Variants in ZMYM2 observed in about 807,000 individuals in gnomAD.
ZMYM2 encodes zinc finger MYM-type containing 2.
ZMYM2 carries 56 observed loss-of-function variants against 162.8 expected under a neutral mutation model. The ratio of observed to expected loss-of-function variants is 0.34; its 90% CI spans 0.28 to 0.43. The LOEUF (loss-of-function observed/expected upper bound fraction) is 0.43. ZMYM2 is among the 20% of genes least tolerant of loss of function. The pLI, the probability that ZMYM2 is intolerant of heterozygous loss-of-function variation, is 1.00. For missense variants in ZMYM2, 1,275 were observed against 1,621.8 expected (o/e 0.79, Z 3.67); for synonymous variants, 510 against 541.6 (o/e 0.94, Z 0.81).
At chr13:20,034,804 A>G (rs997378857) in intron 11 of ZMYM2, among the ~76,000 whole-genome samples, 7 of 152,218 alleles carry the variant, frequency 4.6e-5, no homozygotes, top group Non-Finnish European at 8.8e-5. Flanking sequence ...AAAATCACAT[A>G]TGGCAGTACT....
At chr13:19,872,540 A>AC in the ZMYM2 span, among the ~76,000 whole-genome samples, 1 of 151,870 alleles carries the variant, frequency 6.6e-6, no homozygotes, top group East Asian at 1.9e-4. Context: ...ACAGAGTGAG[A>AC]CCCCATCTCA....
chr13:19,945,957 A>G, the ZMYM2 span, among the ~76,000 whole-genome samples: 1 of 110,992 alleles, frequency 9.0e-6, no homozygotes, highest in Non-Finnish European at 2.2e-5. Context: ...CTCAGAAAAA[A>G]AAAAAAAAAA....
intron 8 of ZMYM2, 25 bp downstream of exon 8, chr13:20,026,787 TAAAA>T (rs138849093): frequency 2.6e-6 from 4 of 1,562,132 alleles, no homozygotes; most frequent in Admixed American, 4.6e-5. Flanking sequence ...TTTGGACAGT[TAAAA>T]AAACTTTACA....
the ZMYM2 span, among the ~76,000 whole-genome samples, chr13:19,922,152 T>TG: frequency 6.6e-6 from 1 of 152,000 alleles, no homozygotes; most frequent in African/African-American, 2.4e-5. Flanking sequence ...TGACCTCAGG[T>TG]GATCCGCCTG....
intron 2 of ZMYM2, among the ~76,000 whole-genome samples, chr13:19,964,165 TC>T (rs200668538): frequency 0.046 from 7,059 of 151,958 alleles, 462 homozygotes; most frequent in African/African-American, 0.15. Context: ...TCACCTGAGG[TC>T]AAGAGTTCGA....
chr13:19,911,316 C>T, the ZMYM2 span, among the ~76,000 whole-genome samples: 1 of 152,044 alleles, frequency 6.6e-6, no homozygotes, highest in South Asian at 2.1e-4. Flanking sequence ...GCCTCAGCCT[C>T]CCAAAGTGCT....
At chr13:19,866,783 A>G in the ZMYM2 span, among the ~76,000 whole-genome samples, 1 of 152,064 alleles carries the variant, frequency 6.6e-6, no homozygotes, top group African/African-American at 2.4e-5. Flanking sequence ...AGTCCCAGCT[A>G]CTCAGGAGGC....
intron 2 of ZMYM2, among the ~76,000 whole-genome samples, chr13:19,973,757 C>T (rs1330804896): frequency 6.6e-6 from 1 of 151,722 alleles, no homozygotes; most frequent in Non-Finnish European, 1.5e-5. Context: ...CTTGTCCAAT[C>T]CGCGGCCCGC....
At chr13:19,938,633 A>G in the ZMYM2 span, among the ~76,000 whole-genome samples, 1 of 152,138 alleles carries the variant, frequency 6.6e-6, no homozygotes, top group Non-Finnish European at 1.5e-5. Context: ...GCTCTGATAG[A>G]TAGACTAGAC....
chr13:19,880,477 G>A, the ZMYM2 span, among the ~76,000 whole-genome samples: 1 of 151,962 alleles, frequency 6.6e-6, no homozygotes, highest in Non-Finnish European at 1.5e-5. Flanking sequence ...CACCCAGGCA[G>A]AAGTGCAGTG....
At chr13:19,916,553 T>C in the ZMYM2 span, among the ~76,000 whole-genome samples, 6 of 152,296 alleles carry the variant, frequency 3.9e-5, 1 homozygote, top group South Asian at 1.0e-3. Context: ...TGAGTTCATG[T>C]CCTTTGCAGG....
chr13:19,961,115 GT>G (rs77856282), intron 2 of ZMYM2, among the ~76,000 whole-genome samples: 1,538 of 134,668 alleles, frequency 0.011, 8 homozygotes, highest in South Asian at 0.032. Context: ...CAATTCTAAG[GT>G]TTTTTTTTTT....
At position 20,060,235 on chromosome 13, in the gene ZMYM2, G is replaced by A. The variant is rs140334284; in HGVS notation, c.2739+673G>A. 5.9e-5 allele frequency among the ~76,000 whole-genome samples: 9 copies of A among 152,228 alleles called. No individual in the cohort carries two copies. In the East Asian group the frequency reaches 1.2e-3, roughly 20 times the overall value. ...AATAAAACCATCTTTACCTTTCTTC[G>A]ACAGTTAACTTAGATTTGGTTGAAT... On this transcript the variant is annotated intron_variant, in intron 16 of 24. Transcript: ENST00000610343.
At chr13:20,000,254 A>G (rs1016522146) in intron 3 of ZMYM2, among the ~76,000 whole-genome samples, 12 of 152,210 alleles carry the variant, frequency 7.9e-5, no homozygotes, top group Admixed American at 4.6e-4. Context: ...GAAACAAAAG[A>G]AAAGTTTGAA....
chr13:19,977,856 CCTT>C (rs1956929824), intron 2 of ZMYM2, among the ~76,000 whole-genome samples: 1 of 150,394 alleles, frequency 6.6e-6, no homozygotes, highest in South Asian at 2.1e-4. Flanking sequence ...CATTTGATTC[CCTT>C]CTTTTCTATA....
chr13:20,018,464 T>C (rs1052085137), intron 6 of ZMYM2, among the ~76,000 whole-genome samples: 6 of 152,202 alleles, frequency 3.9e-5, no homozygotes, highest in African/African-American at 1.4e-4. Flanking sequence ...GCTAAAATTG[T>C]ATCATAATCC....
At chr13:20,061,348 T>C (rs1027557405) in intron 17 of ZMYM2, 124 bp downstream of exon 17, 18 of 961,672 alleles carry the variant, frequency 1.9e-5, no homozygotes, top group Middle Eastern at 3.6e-4. Flanking sequence ...GAAAGCATTG[T>C]AACAAAAATG....
At chr13:20,012,350 A>AT (rs113216366) in intron 6 of ZMYM2, among the ~76,000 whole-genome samples, 4,207 of 150,552 alleles carry the variant, frequency 0.028, 119 homozygotes, top group East Asian at 0.13. Flanking sequence ...TAATTTTTGT[A>AT]TTTTTTTTTA....
At chr13:19,892,565 G>A in the ZMYM2 span, among the ~76,000 whole-genome samples, 33 of 151,664 alleles carry the variant, frequency 2.2e-4, 1 homozygote, top group African/African-American at 7.8e-4. Context: ...ATGAGCCACC[G>A]CGCCTGTCCC....
Sources: gnomAD v4.1 joint callset for allele counts (sites outside exome capture counted in the v4.1 genomes callset) on GRCh38, gnomAD v4.1.1 for gene constraint, MANE v1.5 for transcripts, NCBI Gene and HGNC (gene_info 2026-07-23, HGNC 2026-07-21) for gene names.